C2: variants seen among roughly 807,000 people sequenced by gnomAD.
C2 encodes the protein C3/C5 convertase.
C2 carries 64 observed loss-of-function variants against 85.2 expected under a neutral mutation model. That is an observed-to-expected ratio of 0.75 (90% CI 0.61 to 0.92). The LOEUF is 0.92. Ranked by LOEUF, C2 falls within the 40% of genes least tolerant of loss-of-function variation. The pLI, the probability that C2 is intolerant of heterozygous loss-of-function variation, is 0.00. For missense variants in C2, 820 were observed against 971.6 expected (o/e 0.84, Z 2.07); for synonymous variants, 311 against 370.8 (o/e 0.84, Z 1.85).
upstream of C2, among the ~76,000 whole-genome samples, chr6:31,919,180 TG>T (rs1163672611): frequency 2.6e-5 from 4 of 151,826 alleles, no homozygotes; most frequent in South Asian, 8.3e-4. Flanking sequence ...GTTTTGTTCT[TG>T]TTGCCCAGGT....
In C2 at chr6:31,943,799, ACCCAT is replaced by A. The variant is rs759686467; in HGVS notation, c.1724_1728del (p.Thr575SerfsTer25). 1 of 1,613,028 alleles carries A rather than the reference ACCCAT, an allele frequency of 6.2e-7. No individual in the cohort carries two copies. Among genetic ancestry groups the A allele is most frequent in the Non-Finnish European group, 8.5e-7 (1 of 1,180,012 alleles). On this transcript the variant is annotated frameshift_variant, in exon 13 of 18. Coordinates refer to ENST00000299367, the MANE Select transcript of C2 (RefSeq NM_000063.6). LOFTEE classifies it high-confidence loss of function. The surrounding 1 kb of genome is among the most constrained non-coding windows in gnomAD (Gnocchi z 6.4). ...GCTGGCCCAGAAAGTAAAGATGTCC[ACCCAT>A]GCCAGGTGCCTGGAGTCTGGGATGG...
In C2 at chr6:31,907,826, C is replaced by A. The variant is rs9800604; in HGVS notation, c.73+6687C>A. Reference sequence around the variant, plus strand: ...TGGAGTAGCTGGGACTACAGGCGTGCGCTACCACTTCTGGCTTTTTTTTTT... The same window carrying A: ...TGGAGTAGCTGGGACTACAGGCGTGAGCTACCACTTCTGGCTTTTTTTTTT... On this transcript the variant is annotated intron_variant, in intron 1 of 3. Coordinates refer to the C2 transcript ENST00000452202. 9.9e-4 allele frequency among the ~76,000 whole-genome samples: 141 copies of A among 141,784 alleles called. 1 individual carries two copies. The highest frequency in any genetic ancestry group is 6.6e-3 in the Admixed American group (92 of 13,954). The allele number at this position is 141,784 out of a possible 152,430, so 93.0% of individuals were successfully genotyped here.
chr6:31,901,416 C>G (rs1767255728), intron 1 of C2: 1 of 1,207,810 alleles, frequency 8.3e-7, no homozygotes, highest in Non-Finnish European at 1.1e-6. Flanking sequence ...TGCCCAGCCC[C>G]CCGGCATCCG....
intron 1 of C2, among the ~76,000 whole-genome samples, chr6:31,908,130 G>A (rs975466393): frequency 8.0e-5 from 12 of 150,130 alleles, no homozygotes; most frequent in Non-Finnish European, 1.5e-4. Flanking sequence ...ACAGGCATGA[G>A]CCGCAGCACC....
chr6:31,913,683 G>C (rs1768282950), intron 1 of C2, among the ~76,000 whole-genome samples: 1 of 151,898 alleles, frequency 6.6e-6, no homozygotes, highest in Non-Finnish European at 1.5e-5. Flanking sequence ...GTCTCATTCT[G>C]TCACCCTGGC....
At chr6:31,931,057 G>T (rs1294920414) in intron 3 of C2, among the ~76,000 whole-genome samples, 1 of 152,216 alleles carries the variant, frequency 6.6e-6, no homozygotes, top group African/African-American at 2.4e-5. Context: ...CATGCGGGAT[G>T]TGGTCTGTTG....
At chr6:31,939,770 T>A (rs1770737326) in intron 9 of C2, among the ~76,000 whole-genome samples, 1 of 152,160 alleles carries the variant, frequency 6.6e-6, no homozygotes, top group Non-Finnish European at 1.5e-5. Flanking sequence ...ACAAATTTTT[T>A]AAAATTAATT....
At chr6:31,905,693 G>A (rs113232348) in intron 1 of C2, among the ~76,000 whole-genome samples, 3,059 of 152,066 alleles carry the variant, frequency 0.02, 109 homozygotes, top group African/African-American at 0.069. Flanking sequence ...GAGACAAAAG[G>A]TCCAGGTTCC....
Position 31,927,906 on chromosome 6 carries a change from G to A in C2, c.47-49G>A. The stretch of plus-strand genomic sequence containing the variant: ...CTCTTTTGCTTTCCTTTTCTCATCT[G>A]TGTCTTCCTTCTTTCTCCATTGCTG... On this transcript the variant is annotated intron_variant, in intron 1 of 17. Coordinates refer to ENST00000299367, the MANE Select transcript of C2 (RefSeq NM_000063.6). This position sits in a 1 kb window ranked among gnomAD's most constrained non-coding sequence, Gnocchi z 4.7. 1 of 1,596,690 alleles carries A rather than the reference G, an allele frequency of 6.3e-7. No individual in the cohort carries two copies. The highest frequency in any genetic ancestry group is 1.7e-5 in the Admixed American group (1 of 60,004).
chr6:31,943,942 G>A lies in C2; in HGVS notation c.1759G>A (p.Glu587Lys), dbSNP rs1771121666. 6.2e-7 allele frequency: 1 copy of A among 1,612,796 alleles called. No individual in the cohort carries two copies. Among genetic ancestry groups the A allele is most frequent in the African/African-American group, 1.3e-5 (1 of 74,916 alleles). ...ARPICLPCTM[E>K]ANLALRRPQG... Reference sequence around the variant, plus strand: ...GCCCATCTGCCTTCCCTGCACGATGGAGGCCAATCTGGCTCTGCGGAGACC... The same window carrying A: ...GCCCATCTGCCTTCCCTGCACGATGAAGGCCAATCTGGCTCTGCGGAGACC... Residue 587 changes from glutamate (E) to lysine (K), a missense_variant, in exon 14 of 18, where the codon GAG (glutamate) becomes AAG (lysine). Glu to Lys is a moderately conservative substitution (Grantham distance 56, BLOSUM62 1). Coordinates refer to ENST00000299367, the MANE Select transcript of C2 (RefSeq NM_000063.6). This position sits in a 1 kb window ranked among gnomAD's most constrained non-coding sequence, Gnocchi z 6.4.
rs146389066 is a variant in C2 at position 31,903,709 on chromosome 6, A to G, written c.73+2570A>G. On this transcript the variant is annotated intron_variant, in intron 1 of 3. Transcript: ENST00000452202. The stretch of plus-strand genomic sequence containing the variant: ...TTTGGCTCAGCCAGCATCCACCCAT[A>G]AAAAGTTTGTTCTTGAGCTGAAACT... 8.9e-3 allele frequency among the ~76,000 whole-genome samples: 1,355 copies of G among 152,194 alleles called. 34 individuals carry two copies. The highest frequency in any genetic ancestry group is 0.031 in the African/African-American group (1,298 of 41,480).
upstream of C2, among the ~76,000 whole-genome samples, chr6:31,925,161 A>G (rs1769187988): frequency 6.6e-6 from 1 of 152,192 alleles, no homozygotes; most frequent in Non-Finnish European, 1.5e-5. Flanking sequence ...GAAAGAATAA[A>G]TCATTTTTAA....
At chr6:31,939,748 C>CCCTTCCTCCTT (rs1770733421) in intron 9 of C2, among the ~76,000 whole-genome samples, 1 of 152,084 alleles carries the variant, frequency 6.6e-6, no homozygotes, top group South Asian at 2.1e-4. Flanking sequence ...CCACTATGCT[C>CCCTTCCTCCTT]AGCCCGTCTT....
At chr6:31,903,588 C>T (rs979600972) in intron 1 of C2, among the ~76,000 whole-genome samples, 2 of 152,060 alleles carry the variant, frequency 1.3e-5, no homozygotes, top group Non-Finnish European at 2.9e-5. Flanking sequence ...CTAGATTGCG[C>T]CATTGCACTC....
intron 2 of C2, 92 bp downstream of exon 2, chr6:31,928,256 G>T: frequency 8.4e-7 from 1 of 1,189,428 alleles, no homozygotes; most frequent in South Asian, 1.3e-5. Context: ...GACTTAACCT[G>T]ACTAGATGGC....
chr6:31,925,961 C>T (rs1318426336), upstream of C2, among the ~76,000 whole-genome samples: 1 of 152,158 alleles, frequency 6.6e-6, no homozygotes, highest in East Asian at 1.9e-4. Context: ...AGCATGTTGC[C>T]CTCATCCTCC....
intron 1 of C2, among the ~76,000 whole-genome samples, chr6:31,911,876 C>T (rs1029022644): frequency 3.3e-5 from 5 of 151,386 alleles, no homozygotes; most frequent in Admixed American, 1.3e-4. Context: ...GTGATTTGCC[C>T]GCCTCAGCCT....
At chr6:31,905,728 T>TC (rs1318062611) in intron 1 of C2, among the ~76,000 whole-genome samples, 2 of 152,036 alleles carry the variant, frequency 1.3e-5, no homozygotes, top group Non-Finnish European at 2.9e-5. Flanking sequence ...TCATCAAGGC[T>TC]CCCCAGGTTT....
chr6:31,911,972 C>T (rs1465017021), intron 1 of C2, among the ~76,000 whole-genome samples: 3 of 138,430 alleles, frequency 2.2e-5, no homozygotes, highest in South Asian at 2.4e-4. Flanking sequence ...CGGGTCACTA[C>T]GTTGCCAAGG....
Sources: allele counts gnomAD v4.1 joint callset (sites outside exome capture counted in the v4.1 genomes callset), GRCh38; gene constraint gnomAD v4.1.1; non-coding constraint Gnocchi (gnomAD v3.1); transcripts MANE v1.5; gene names NCBI Gene and HGNC (gene_info 2026-07-23, HGNC 2026-07-21).